TPO: variants seen among roughly 807,000 people sequenced by gnomAD.
TPO encodes thyroid microsomal antigen.
Under a neutral mutation model 96.9 loss-of-function variants are expected in TPO, and 78 were observed. That is an observed-to-expected ratio of 0.81 (90% confidence interval 0.67 to 0.97). TPO has a LOEUF of 0.97. Among genes scored for constraint, TPO ranks in the 50% least tolerant of loss-of-function variants. TPO has a pLI of 0.00. For missense variants in TPO, 1,252 were observed against 1,274.8 expected (o/e 0.98, Z 0.27); for synonymous variants, 547 against 538.0 (o/e 1.02, Z -0.23).
upstream of TPO, chr2:1,413,427 G>A (rs2071402): frequency 0.4 from 60,848 of 152,230 alleles, 12,466 homozygotes; most frequent in South Asian, 0.51. Flanking sequence ...ATCCAAGCGC[G>A]GAGTCAGTTT....
chr2:1,540,469 G>C, intron 15 of TPO, 125 bp from the exon 16 acceptor site: 1 of 1,590,562 alleles, frequency 6.3e-7, no homozygotes, highest in Non-Finnish European at 8.5e-7. Flanking sequence ...TGAAATGAAA[G>C]TGGGTTGGAG....
At chr2:1,520,149 G>A (rs1675100054) in intron 15 of TPO, among the ~76,000 whole-genome samples, 1 of 152,040 alleles carries the variant, frequency 6.6e-6, no homozygotes, top group South Asian at 2.1e-4. Flanking sequence ...CAAAACCACA[G>A]CACCCCCAGA....
intron 1 of TPO, among the ~76,000 whole-genome samples, chr2:1,403,379 C>T (rs1175211188): frequency 2.0e-5 from 3 of 152,208 alleles, no homozygotes; most frequent in Non-Finnish European, 4.4e-5. Context: ...CTCCTACCAT[C>T]GTGAGATAGA....
At position 1,496,723 on chromosome 2, in the gene TPO, T is replaced by C; in HGVS notation, c.2344T>C (p.Cys782Arg). Reference sequence around the variant, plus strand: ...GCTCCAAGGCCGGGAGCAGCTCACTTGCACCCAGGAAGGATGGGATTTCCA... The same window carrying C: ...GCTCCAAGGCCGGGAGCAGCTCACTCGCACCCAGGAAGGATGGGATTTCCA... ...YELQGREQLT[C>R]TQEGWDFQPP... Residue 782 changes from cysteine to arginine, a missense_variant, in exon 13 of 17, where the codon TGC (cysteine) becomes CGC (arginine). Transcript: ENST00000329066. The C allele has an allele frequency of 6.2e-7, 1 of 1,614,126 alleles. No individual in the cohort carries two copies. The highest frequency in any genetic ancestry group is 1.1e-5 in the South Asian group (1 of 91,078).
chr2:1,513,566 G>A (rs569208020), intron 14 of TPO: 2 of 152,246 alleles, frequency 1.3e-5, no homozygotes, highest in African/African-American at 2.4e-5. Flanking sequence ...CGTATTAGAC[G>A]GAGTCTCCAG....
At chr2:1,440,822 C>T (rs1461675268) in intron 5 of TPO, among the ~76,000 whole-genome samples, 9 of 151,854 alleles carry the variant, frequency 5.9e-5, no homozygotes, top group African/African-American at 1.2e-4. Context: ...TAGTCATTGC[C>T]GCAGGAGGTA....
At chr2:1,383,129 T>G (rs1661835671) in intron 1 of TPO, among the ~76,000 whole-genome samples, 2 of 152,194 alleles carry the variant, frequency 1.3e-5, no homozygotes, top group Admixed American at 6.5e-5. Context: ...CTATCATTGT[T>G]GGACATTAGG....
rs1335292180 is a variant in TPO at position 1,523,173 on chromosome 2, A to C, written c.2618+6191A>C. Among the ~76,000 whole-genome samples, 4 of 128,568 alleles carry C rather than the reference A, an allele frequency of 3.1e-5. No individual in the cohort carries two copies. In the East Asian group the frequency reaches 1.0e-3, roughly 33 times the overall value. The allele number at this position is 128,568 out of a possible 152,430, so 84.3% of individuals were successfully genotyped here. A position where few individuals can be genotyped will look rare whatever the true frequency, so the allele number is the denominator to read the frequency against. ...TCCCAAAATCCCCCACACTGTGTGC[A>C]ACCTCCTCAAATCCCCCCAACTGTT... On this transcript the variant is annotated intron_variant, in intron 15 of 16. Coordinates refer to ENST00000329066, the MANE Select transcript of TPO (RefSeq NM_001206744.2).
At chr2:1,432,554 C>T (rs1207684574) in intron 3 of TPO, among the ~76,000 whole-genome samples, 1 of 110,090 alleles carries the variant, frequency 9.1e-6, no homozygotes, top group Non-Finnish European at 1.8e-5. Flanking sequence ...GAGAGGCCTG[C>T]AGGTGGGGTG....
chr2:1,378,762 C>T (rs1019790642), intron 1 of TPO, among the ~76,000 whole-genome samples: 2 of 152,112 alleles, frequency 1.3e-5, no homozygotes, highest in Admixed American at 1.3e-4. Context: ...GTGCACCTGG[C>T]GGGGGGTTCG....
At chr2:1,512,359 C>G in intron 14 of TPO, 3 of 982,942 alleles carry the variant, frequency 3.1e-6, no homozygotes, top group Non-Finnish European at 3.6e-6. Context: ...AAGGAATCCT[C>G]CTGCCTGGAC....
At chr2:1,440,134 C>A (rs1469693698) in intron 5 of TPO, among the ~76,000 whole-genome samples, 39 of 140,656 alleles carry the variant, frequency 2.8e-4, no homozygotes, top group South Asian at 2.4e-3. Context: ...TACATTTCCA[C>A]TGTGCTGCGT....
At chr2:1,380,736 G>C (rs892864421) in intron 1 of TPO, among the ~76,000 whole-genome samples, 1 of 152,164 alleles carries the variant, frequency 6.6e-6, no homozygotes, top group African/African-American at 2.4e-5. Flanking sequence ...ATCCAGAAGA[G>C]AGAATGCATT....
At chr2:1,502,341 C>T (rs375615121) in intron 13 of TPO, among the ~76,000 whole-genome samples, 13 of 152,248 alleles carry the variant, frequency 8.5e-5, no homozygotes, top group African/African-American at 2.9e-4. Context: ...AATTAACAGC[C>T]GATAGTCAAT....
At chr2:1,530,871 C>T (rs1677976762) in intron 15 of TPO, among the ~76,000 whole-genome samples, 1 of 129,814 alleles carries the variant, frequency 7.7e-6, no homozygotes, top group Non-Finnish European at 1.6e-5. Context: ...CTGTGTGCAA[C>T]CTCCGCAAAT....
At chr2:1,422,375 C>CTCGTGCAGGTGCCGCGCTGGACAGACT (rs1663809265) in intron 2 of TPO, among the ~76,000 whole-genome samples, 1 of 146,268 alleles carries the variant, frequency 6.8e-6, no homozygotes, top group African/African-American at 2.5e-5. Flanking sequence ...CTGGACCGAC[C>CTCGTGCAGGTGCCGCGCTGGACAGACT]TCGTGCAGGC....
chr2:1,448,071 G>T (rs1254768332), intron 5 of TPO, among the ~76,000 whole-genome samples: 2 of 152,142 alleles, frequency 1.3e-5, no homozygotes, highest in African/African-American at 4.8e-5. Flanking sequence ...AGCCCCTCCT[G>T]CCTGACAGCA....
intron 3 of TPO, among the ~76,000 whole-genome samples, chr2:1,432,021 C>T (rs538722615): frequency 2.0e-4 from 31 of 152,386 alleles, no homozygotes; most frequent in African/African-American, 7.0e-4. Context: ...TCCACTCACA[C>T]ACCTGCCGTG....
chr2:1,475,805 T>C (rs2148666780), intron 7 of TPO, among the ~76,000 whole-genome samples: 1 of 152,362 alleles, frequency 6.6e-6, no homozygotes, highest in African/African-American at 2.4e-5. Context: ...GTGCTGGCTC[T>C]GAGCCAAGGC....
Sources: allele counts gnomAD v4.1 joint callset (sites outside exome capture counted in the v4.1 genomes callset), GRCh38; gene constraint gnomAD v4.1.1; transcripts MANE v1.5; gene names NCBI Gene and HGNC (gene_info 2026-07-23, HGNC 2026-07-21).